SIDT2: variants seen among roughly 807,000 people sequenced by gnomAD.
SIDT2 encodes the protein SID1 transmembrane family, member 2.
In SIDT2, 68 loss-of-function variants were observed where a neutral mutation model predicts 114.4. The observed-to-expected ratio is 0.59, with a 90% CI of 0.49 to 0.73. The LOEUF is 0.73. Ranked by LOEUF, SIDT2 falls within the 30% of genes least tolerant of loss-of-function variation. SIDT2 has a pLI of 0.00. For missense variants in SIDT2, 918 were observed against 1,097.1 expected (o/e 0.84, Z 2.31); for synonymous variants, 470 against 438.4 (o/e 1.07, Z -0.90).
chr11:117,181,326 C>G (rs1042697554), intron 1 of SIDT2, 90 bp from the exon 2 acceptor site: 1 of 1,549,618 alleles, frequency 6.5e-7, no homozygotes, highest in Non-Finnish European at 8.7e-7. Context: ...ACCAAAGTAG[C>G]TGGCATGAAG....
At chr11:117,186,025 G>C (rs2030481729) in intron 8 of SIDT2, 105 bp from the exon 9 acceptor site, 4 of 895,286 alleles carry the variant, frequency 4.5e-6, no homozygotes, top group Non-Finnish European at 7.3e-6. Context: ...GGGGAGAAGG[G>C]TGAGAGATTG....
chr11:117,189,698 C>T (rs2030630935), intron 15 of SIDT2: 3 of 599,698 alleles, frequency 5.0e-6, no homozygotes, highest in South Asian at 4.0e-5. Flanking sequence ...CTTCCCTTTT[C>T]TCTGTCCCGT....
Position 117,193,269 on chromosome 11 carries a change from C to CT in SIDT2, c.2211+12dup. ...TACATCATCATGAAGGTGAGTGGGG[C>CT]TGGCCAAGCCCCCTCTGTCAGCTGC... On this transcript the variant is annotated intron_variant, in intron 23 of 25. Coordinates refer to ENST00000324225, the MANE Select transcript of SIDT2 (RefSeq NM_001040455.2). 1 of 1,604,452 alleles carries CT rather than the reference C, an allele frequency of 6.2e-7. No individual in the cohort carries two copies. Among genetic ancestry groups the CT allele is most frequent in the Non-Finnish European group, 8.5e-7 (1 of 1,172,694 alleles).
Position 117,190,553 on chromosome 11 carries a change from C to T in SIDT2, c.1618-70C>T. On this transcript the variant is annotated intron_variant, in intron 17 of 25. Transcript: ENST00000324225. This position sits in a 1 kb window ranked among gnomAD's most constrained non-coding sequence, Gnocchi z 4.1. ...TCCTCTTCCACTCCTCTTAGGGTCC[C>T]TCTTTTGGGTCCCTTCTTCCCTTCC... 7.4e-7 allele frequency: 1 copy of T among 1,350,512 alleles called. No homozygotes were observed. The highest frequency in any genetic ancestry group is 1.3e-5 in the South Asian group (1 of 78,514). 83.7% of individuals were successfully genotyped at this position (1,350,512 alleles called of 1,614,324 possible). A position where few individuals can be genotyped will look rare whatever the true frequency, so the allele number is the denominator to read the frequency against.
chr11:117,187,947 T>G, intron 12 of SIDT2: 2 of 672,030 alleles, frequency 3.0e-6, no homozygotes, highest in Non-Finnish European at 5.5e-6. Context: ...AGCTGTGCAT[T>G]GCCATGGGTA....
intron 23 of SIDT2, 130 bp downstream of exon 23, chr11:117,193,388 A>T: frequency 1.2e-6 from 1 of 831,698 alleles, no homozygotes; most frequent in Non-Finnish European, 1.9e-6. Context: ...GGGAGAGGCT[A>T]AAGCCTCTTG....
chr11:117,189,774 C>T (rs2030634207), intron 15 of SIDT2, 178 bp from the exon 16 acceptor site: 6 of 638,610 alleles, frequency 9.4e-6, no homozygotes, highest in South Asian at 1.8e-5. Context: ...GAGGGGACAG[C>T]GACTGTGCTG....
At chr11:117,193,602 T>G (rs2030779569) in intron 23 of SIDT2, among the ~76,000 whole-genome samples, 1 of 152,048 alleles carries the variant, frequency 6.6e-6, no homozygotes, top group Non-Finnish European at 1.5e-5. Context: ...TGGAGCCCCC[T>G]GCATAGGGAG....
rs946291444 is a variant in SIDT2 at position 117,189,884 on chromosome 11, G to A, written c.1420-68G>A. 46 of 1,531,098 alleles carry A rather than the reference G, an allele frequency of 3.0e-5. No individual in the cohort carries two copies. In the African/African-American group the frequency reaches 3.4e-4, roughly 11 times the overall value. The allele number at this position is 1,531,098 out of a possible 1,614,324, so 94.8% of individuals were successfully genotyped here. A position where few individuals can be genotyped will look rare whatever the true frequency, so the allele number is the denominator to read the frequency against. On this transcript the variant is annotated intron_variant, in intron 15 of 25. Coordinates refer to ENST00000324225, the MANE Select transcript of SIDT2 (RefSeq NM_001040455.2). ...TTGCTGTTTTTTGCCAAAGGGGCCC[G>A]GATGGCGGGGCGTGGGCTGAGTTGG...
At chr11:117,195,510 A>G (rs980755061) in intron 24 of SIDT2, among the ~76,000 whole-genome samples, 2 of 152,220 alleles carry the variant, frequency 1.3e-5, no homozygotes, top group Admixed American at 6.5e-5. Flanking sequence ...AAGGCCTTCA[A>G]GGTTGTTGCA....
At chr11:117,184,302 G>A (rs1028370523) in intron 8 of SIDT2, among the ~76,000 whole-genome samples, 163 bp downstream of exon 8, 3 of 152,110 alleles carry the variant, frequency 2.0e-5, no homozygotes, top group Non-Finnish European at 4.4e-5. Context: ...GGGGAGGGCC[G>A]GGAGGTGAGT....
rs2030900511 is a variant in SIDT2 at position 117,196,451 on chromosome 11, C to T, written c.*385C>T. 3.8e-6 allele frequency: 1 copy of T among 264,750 alleles called. No individual in the cohort carries two copies. Among genetic ancestry groups the T allele is most frequent in the South Asian group, 4.7e-5 (1 of 21,336 alleles). 16.4% of individuals were successfully genotyped at this position (264,750 alleles called of 1,614,324 possible). Reference sequence around the variant, plus strand: ...TGCCCGTCCTCCTCCCCACAATGCCCCAGCCTGGGACCTAAGGCCTCTTTT... The same window carrying T: ...TGCCCGTCCTCCTCCCCACAATGCCTCAGCCTGGGACCTAAGGCCTCTTTT... On this transcript the variant is annotated 3_prime_UTR_variant, in exon 26 of 26. Transcript: ENST00000324225. This position sits in a 1 kb window ranked among gnomAD's most constrained non-coding sequence, Gnocchi z 4.9.
At position 117,192,474 on chromosome 11, in the gene SIDT2, A is replaced by G. The variant is rs2030739246; in HGVS notation, c.1982-100A>G. Reference sequence around the variant, plus strand: ...TTGGGGGCCCTGGAGTCACTGGGTGAGGAATTAGATCAGGCCTGGGCTCCT... The same window carrying G: ...TTGGGGGCCCTGGAGTCACTGGGTGGGGAATTAGATCAGGCCTGGGCTCCT... On this transcript the variant is annotated intron_variant, in intron 20 of 25. Transcript: ENST00000324225. The surrounding 1 kb of genome is among the most constrained non-coding windows in gnomAD (Gnocchi z 5.9). 2 of 1,481,424 alleles carry G rather than the reference A, an allele frequency of 1.4e-6. No homozygotes were observed. Among genetic ancestry groups the G allele is most frequent in the Non-Finnish European group, 9.3e-7 (1 of 1,071,794 alleles). The allele number at this position is 1,481,424 out of a possible 1,614,324, so 91.8% of individuals were successfully genotyped here.
chr11:117,192,918 G>C lies in SIDT2; in HGVS notation c.2105+52G>C. The C allele has an allele frequency of 6.2e-7, 1 of 1,609,444 alleles. No individual in the cohort carries two copies. The highest frequency in any genetic ancestry group is 8.5e-7 in the Non-Finnish European group (1 of 1,175,838). On this transcript the variant is annotated intron_variant, in intron 22 of 25. Coordinates refer to ENST00000324225, the MANE Select transcript of SIDT2 (RefSeq NM_001040455.2). The surrounding 1 kb of genome is among the most constrained non-coding windows in gnomAD (Gnocchi z 5.9). ...GGTTGGGTGGACAGCTGGGGACTCG[G>C]TCAGCCACTGGCTGCCTTGGGGGCT...
rs1047847928 is a variant in SIDT2 at position 117,193,335 on chromosome 11, G to A, written c.2211+77G>A. ...GAGAGATGGGCCCGGCAGCATTGAG[G>A]GGCAGTGAGAAGTTTTCTGTCCCAT... On this transcript the variant is annotated intron_variant, in intron 23 of 25. Transcript: ENST00000324225. The A allele has an allele frequency of 2.4e-6, 3 of 1,273,536 alleles. No individual in the cohort carries two copies. The African/African-American group carries it at 4.5e-5, about 19-fold the overall frequency. The allele number at this position is 1,273,536 out of a possible 1,614,324, so 78.9% of individuals were successfully genotyped here.
At chr11:117,180,911 A>T (rs1203430390) in intron 1 of SIDT2, among the ~76,000 whole-genome samples, 1 of 152,172 alleles carries the variant, frequency 6.6e-6, no homozygotes, top group Non-Finnish European at 1.5e-5. Flanking sequence ...GGAGCTAAGG[A>T]TACAACATGG....
In SIDT2 at chr11:117,192,513, C is replaced by A; in HGVS notation, c.1982-61C>A. The A allele has an allele frequency of 6.3e-7, 1 of 1,585,974 alleles. No homozygotes were observed. The highest frequency in any genetic ancestry group is 8.6e-7 in the Non-Finnish European group (1 of 1,165,228). On this transcript the variant is annotated intron_variant, in intron 20 of 25. Coordinates refer to ENST00000324225, the MANE Select transcript of SIDT2 (RefSeq NM_001040455.2). The surrounding 1 kb of genome is among the most constrained non-coding windows in gnomAD (Gnocchi z 5.9). The stretch of plus-strand genomic sequence containing the variant: ...GCCTGGGCTCCTCAGCTGGCACATC[C>A]CAGGGGTCCAGCAAAGGAGGGTGCC...
chr11:117,181,364 C>G, intron 1 of SIDT2, 52 bp from the exon 2 acceptor site: 12 of 1,609,400 alleles, frequency 7.5e-6, no homozygotes, highest in Non-Finnish European at 8.5e-6. Context: ...TCTCTGGAGC[C>G]ACGTGTCCCT....
Position 117,191,985 on chromosome 11 carries a change from A to G in SIDT2, c.1843A>G (p.Ile615Val), listed in dbSNP as rs1437625110. 5 of 1,614,078 alleles carry G rather than the reference A, an allele frequency of 3.1e-6. No homozygotes were observed. In the East Asian group the frequency reaches 8.9e-5, roughly 29 times the overall value. ...CTACAGTGCCTACGCCTGCCTGGCC[A>G]TTGTCATCTTCTTCTCTGTGCTGGG... Reference protein sequence around the residue: ...SAYSAYACLAIVIFFSVLGVV... With the variant: ...SAYSAYACLAVVIFFSVLGVV... Residue 615 changes from isoleucine (I) to valine (V), a missense_variant, in exon 19 of 26, where the codon ATT becomes GTT. Ile to Val is a conservative substitution (Grantham distance 29, BLOSUM62 3). Transcript: ENST00000324225.
Sources: gnomAD v4.1 joint callset for allele counts (sites outside exome capture counted in the v4.1 genomes callset) on GRCh38, gnomAD v4.1.1 for gene constraint, Gnocchi (gnomAD v3.1) non-coding constraint, MANE v1.5 for transcripts, NCBI Gene and HGNC (gene_info 2026-07-23, HGNC 2026-07-21) for gene names.